The following INSL6 variants were observed in gnomAD, a reference collection of about 807,000 sequenced individuals.
INSL6 encodes insulin like 6, also known as insulin-like peptide INSL6.
A neutral mutation model predicts 9.4 loss-of-function variants in INSL6; 16 were observed. The ratio of observed to expected loss-of-function variants is 1.70; its 90% CI spans 1.15 to 2.59. The LOEUF is 2.59. Among genes scored for constraint, INSL6 ranks in the 30% most tolerant of loss-of-function variants. The pLI, the probability that INSL6 is intolerant of heterozygous loss-of-function variation, is 0.00. For synonymous variants in INSL6, 154 were observed against 96.9 expected, an observed-to-expected ratio of 1.59 and a Z score of -3.46; for missense variants, 391 against 257.3, an observed-to-expected ratio of 1.52 and a Z score of -3.56.
chr9:5,036,221 A>G, the INSL6 span, among the ~76,000 whole-genome samples: 1 of 152,194 alleles, frequency 6.6e-6, no homozygotes, highest in Non-Finnish European at 1.5e-5. Context: ...TCAATGAAGT[A>G]AAAGAGGATA....
intron 1 of INSL6, among the ~76,000 whole-genome samples, chr9:5,180,814 T>A (rs949346458): frequency 6.6e-6 from 1 of 152,240 alleles, no homozygotes; most frequent in Non-Finnish European, 1.5e-5. Flanking sequence ...TCAGTAGTTC[T>A]GCTTTTGCCA....
the INSL6 span, among the ~76,000 whole-genome samples, chr9:5,023,750 A>C: frequency 6.6e-6 from 1 of 151,998 alleles, no homozygotes; most frequent in Non-Finnish European, 1.5e-5. Context: ...TTATATACTC[A>C]TGGTTTTAGT....
chr9:5,081,334 C>T, the INSL6 span, among the ~76,000 whole-genome samples: 92,774 of 151,822 alleles, frequency 0.61, 30,586 homozygotes, highest in African/African-American at 0.88. Context: ...TTGATTGATT[C>T]TCTAAACATG....
chr9:5,093,465 C>T, the INSL6 span, among the ~76,000 whole-genome samples: 3 of 151,964 alleles, frequency 2.0e-5, no homozygotes, highest in Non-Finnish European at 2.9e-5. Context: ...CTGTCTCTTA[C>T]GTTTAATCAG....
chr9:5,018,641 A>T, the INSL6 span, among the ~76,000 whole-genome samples: 58 of 152,190 alleles, frequency 3.8e-4, no homozygotes, highest in African/African-American at 1.3e-3. Context: ...GCCTGGCCTG[A>T]CATTGTTCTT....
the INSL6 span, among the ~76,000 whole-genome samples, chr9:5,104,002 A>G: frequency 6.6e-6 from 1 of 152,210 alleles, no homozygotes; most frequent in Admixed American, 6.5e-5. Flanking sequence ...ATCACAATTA[A>G]AAGAACTACA....
chr9:5,111,274 A>T, the INSL6 span: 132 of 488,948 alleles, frequency 2.7e-4, no homozygotes, highest in African/African-American at 2.4e-3. Flanking sequence ...AGCCTGACTC[A>T]GGCTGGCTTC....
At chr9:5,140,359 T>G (rs1017003129) in intron 2 of INSL6, among the ~76,000 whole-genome samples, 3 of 152,122 alleles carry the variant, frequency 2.0e-5, no homozygotes. Flanking sequence ...ACACTTATAT[T>G]AGTCATCAGA....
At chr9:5,114,198 C>T in the INSL6 span, 2 of 477,902 alleles carry the variant, frequency 4.2e-6, no homozygotes, top group Non-Finnish European at 8.3e-6. Flanking sequence ...GAGCACCTAC[C>T]TGAGCCGGTC....
the INSL6 span, among the ~76,000 whole-genome samples, chr9:5,051,181 A>G: frequency 2.0e-5 from 3 of 152,186 alleles, no homozygotes; most frequent in South Asian, 6.2e-4. Flanking sequence ...GGTAAGTTTT[A>G]TATCTTGGGA....
chr9:5,091,034 C>T, the INSL6 span: 1 of 744,566 alleles, frequency 1.3e-6, no homozygotes. Flanking sequence ...TCTTTTAAGT[C>T]TTACATTTAA....
chr9:5,055,794 T>A, the INSL6 span: 1 of 1,607,630 alleles, frequency 6.2e-7, no homozygotes, highest in Non-Finnish European at 8.5e-7. Context: ...ATCTGGTAAG[T>A]TTGCTTTATG....
At chr9:5,111,837 C>T in the INSL6 span, 14 of 404,380 alleles carry the variant, frequency 3.5e-5, no homozygotes, top group East Asian at 7.3e-4. Flanking sequence ...ACACGCCTGT[C>T]GGCGGGGCCG....
chr9:5,176,719 CAAA>C lies in INSL6; in HGVS notation c.289+8592_289+8594del, dbSNP rs34357993. On this transcript the variant is annotated intron_variant, in intron 1 of 1. Transcript: ENST00000381641. ...CTGGGAACAAAACAAGAAATCAAAG[CAAA>C]AAAAAAAAAAATGGTATAAGTTTAG... 6.1e-3 allele frequency among the ~76,000 whole-genome samples: 768 copies of C among 125,340 alleles called. 5 individuals carry two copies. Among genetic ancestry groups the C allele is most frequent in the African/African-American group, 0.016 (615 of 38,732 alleles). The allele number at this position is 125,340 out of a possible 152,430, so 82.2% of individuals were successfully genotyped here.
the INSL6 span, among the ~76,000 whole-genome samples, chr9:5,104,832 C>A: frequency 6.6e-6 from 1 of 152,106 alleles, no homozygotes; most frequent in Non-Finnish European, 1.5e-5. Flanking sequence ...AATAGATGCA[C>A]AAAAGGTCTT....
At chr9:5,120,378 C>G (rs1823523963), downstream of INSL6, among the ~76,000 whole-genome samples, 2 of 152,180 alleles carry the variant, frequency 1.3e-5, no homozygotes, top group Non-Finnish European at 2.9e-5. Flanking sequence ...AATCTGAAGT[C>G]TGAAAGAACT....
the INSL6 span, among the ~76,000 whole-genome samples, chr9:5,074,540 C>T: frequency 6.6e-6 from 1 of 152,170 alleles, no homozygotes; most frequent in African/African-American, 2.4e-5. Flanking sequence ...GTGTCCCAAA[C>T]AGAGAGAATA....
the INSL6 span, among the ~76,000 whole-genome samples, chr9:5,051,506 C>A: frequency 6.6e-6 from 1 of 151,990 alleles, no homozygotes; most frequent in African/African-American, 2.4e-5. Flanking sequence ...GAGTTGAAGC[C>A]CACAAATATG....
chr9:5,057,452 TTAAG>T, the INSL6 span, among the ~76,000 whole-genome samples: 1 of 152,130 alleles, frequency 6.6e-6, no homozygotes, highest in African/African-American at 2.4e-5. Flanking sequence ...TTTAGTAGTG[TTAAG>T]TATATTCACT....
Sources: allele counts gnomAD v4.1 joint callset (sites outside exome capture counted in the v4.1 genomes callset), GRCh38; gene constraint gnomAD v4.1.1; transcripts MANE v1.5; gene names NCBI Gene and HGNC (gene_info 2026-07-23, HGNC 2026-07-21).